SH3PXD2A: variants seen among roughly 807,000 people sequenced by gnomAD.
SH3PXD2A encodes the protein SH3 and PX domain-containing protein 2A.
SH3PXD2A carries 32 observed loss-of-function variants against 115.2 expected under a neutral mutation model. That is an observed-to-expected ratio of 0.28 (90% confidence interval 0.21 to 0.37). The LOEUF (loss-of-function observed/expected upper bound fraction) is 0.37, where lower values mean the gene tolerates loss of function less well. SH3PXD2A is among the 10% of genes least tolerant of loss of function. The pLI, the probability that SH3PXD2A is intolerant of heterozygous loss-of-function variation, is 1.00. For synonymous variants in SH3PXD2A, 610 were observed against 629.1 expected (o/e 0.97, Z 0.45); for missense variants, 1,328 against 1,498.7 (o/e 0.89, Z 1.88).
chr10:103,686,835 C>T (rs913589028), intron 6 of SH3PXD2A, among the ~76,000 whole-genome samples: 8 of 151,338 alleles, frequency 5.3e-5, no homozygotes, highest in Non-Finnish European at 7.4e-5. Flanking sequence ...GCAACCTCCA[C>T]CTCCTGGGTT....
intron 1 of SH3PXD2A, among the ~76,000 whole-genome samples, chr10:103,839,077 T>C (rs2039572181): frequency 6.6e-6 from 1 of 152,166 alleles, no homozygotes; most frequent in African/African-American, 2.4e-5. Flanking sequence ...TGGGATCTGC[T>C]CACCAGCTCT....
At chr10:103,741,468 A>G (rs2038443216) in intron 3 of SH3PXD2A, among the ~76,000 whole-genome samples, 1 of 151,972 alleles carries the variant, frequency 6.6e-6, no homozygotes, top group African/African-American at 2.4e-5. Context: ...TGTCCTAGAG[A>G]ATTTGTCAGG....
At chr10:103,790,508 A>C (rs1293329436) in intron 2 of SH3PXD2A, among the ~76,000 whole-genome samples, 1 of 152,162 alleles carries the variant, frequency 6.6e-6, no homozygotes, top group Admixed American at 6.5e-5. Flanking sequence ...GTGAGCTAGA[A>C]GCGAGAGTAC....
At chr10:103,745,428 T>A (rs1429720649) in intron 3 of SH3PXD2A, among the ~76,000 whole-genome samples, 1 of 152,190 alleles carries the variant, frequency 6.6e-6, no homozygotes, top group Non-Finnish European at 1.5e-5. Context: ...AGGGGATGAG[T>A]CATAACCTAT....
At chr10:103,610,324 C>T (rs913873221) in intron 13 of SH3PXD2A, among the ~76,000 whole-genome samples, 3 of 152,254 alleles carry the variant, frequency 2.0e-5, no homozygotes, top group Middle Eastern at 3.2e-3. Context: ...AGCAGCCCTG[C>T]CTCAGCAATC....
At chr10:103,780,996 G>A (rs1304209576) in intron 2 of SH3PXD2A, among the ~76,000 whole-genome samples, 3 of 152,130 alleles carry the variant, frequency 2.0e-5, no homozygotes, top group Non-Finnish European at 4.4e-5. Context: ...TGCCTGGCCT[G>A]CCTGAGGTCT....
rs1464190695 is a variant in SH3PXD2A at position 103,853,938 on chromosome 10, AC to A, written c.72+1256del. Reference sequence around the variant, plus strand: ...CAGAAAATGCTTGCTGGACCAGATGACACAAAAGAAACAACTCTCTAAGGGT... The same window carrying A: ...CAGAAAATGCTTGCTGGACCAGATGAACAAAAGAAACAACTCTCTAAGGGT... On this transcript the variant is annotated intron_variant, in intron 1 of 14. Coordinates refer to ENST00000369774, the MANE Select transcript of SH3PXD2A (RefSeq NM_001394015.1). 1.4e-4 allele frequency among the ~76,000 whole-genome samples: 21 copies of A among 152,316 alleles called. No individual in the cohort carries two copies. In the South Asian group the frequency reaches 2.1e-3, roughly 15 times the overall value.
chr10:103,633,036 C>T (rs960093168), intron 8 of SH3PXD2A, among the ~76,000 whole-genome samples: 5 of 152,108 alleles, frequency 3.3e-5, no homozygotes, highest in African/African-American at 1.2e-4. Context: ...CAGAGTCTGA[C>T]ACAGGAAGGA....
chr10:103,718,798 C>CACACACAG (rs1554915136), intron 5 of SH3PXD2A, among the ~76,000 whole-genome samples: 1 of 150,892 alleles, frequency 6.6e-6, no homozygotes, highest in Non-Finnish European at 1.5e-5. Context: ...CACACACACA[C>CACACACAG]GCACATACAC....
At chr10:103,753,114 AC>A (rs1028199384) in intron 3 of SH3PXD2A, among the ~76,000 whole-genome samples, 1 of 152,008 alleles carries the variant, frequency 6.6e-6, no homozygotes, top group African/African-American at 2.4e-5. Flanking sequence ...GCCATTTTAT[AC>A]CAAATCTTAA....
chr10:103,762,014 C>CTTTTTTT (rs79615908), intron 3 of SH3PXD2A, among the ~76,000 whole-genome samples: 6,009 of 90,130 alleles, frequency 0.067, 693 homozygotes, highest in Non-Finnish European at 0.091. Context: ...ATCAACACGT[C>CTTTTTTT]TTTTTTTTTT....
At chr10:103,759,067 G>T (rs1284301167) in intron 3 of SH3PXD2A, among the ~76,000 whole-genome samples, 2 of 152,132 alleles carry the variant, frequency 1.3e-5, no homozygotes, top group African/African-American at 4.8e-5. Flanking sequence ...AGCGGGCCAC[G>T]GACCAGCTCT....
At chr10:103,795,506 G>A (rs1041984059) in intron 2 of SH3PXD2A, among the ~76,000 whole-genome samples, 5 of 152,160 alleles carry the variant, frequency 3.3e-5, no homozygotes, top group Non-Finnish European at 7.3e-5. Context: ...TCTGGGGAGA[G>A]AGTCTTTGGC....
At chr10:103,645,460 G>A (rs1288640525) in intron 8 of SH3PXD2A, among the ~76,000 whole-genome samples, 1 of 152,184 alleles carries the variant, frequency 6.6e-6, no homozygotes, top group East Asian at 1.9e-4. Flanking sequence ...AGAGGTTTTT[G>A]TTGCTTGTTG....
At chr10:103,709,404 C>A (rs1243712876) in intron 5 of SH3PXD2A, among the ~76,000 whole-genome samples, 1 of 152,176 alleles carries the variant, frequency 6.6e-6, no homozygotes, top group Admixed American at 6.5e-5. Context: ...GAACTGAGCT[C>A]CAAAGCCTGG....
intron 8 of SH3PXD2A, among the ~76,000 whole-genome samples, chr10:103,633,087 A>G (rs2036806794): frequency 6.6e-6 from 1 of 152,238 alleles, no homozygotes; most frequent in Non-Finnish European, 1.5e-5. Context: ...TGCACATGCT[A>G]GAGATGACAT....
At chr10:103,695,793 G>C (rs1215320612) in intron 5 of SH3PXD2A, among the ~76,000 whole-genome samples, 1 of 152,246 alleles carries the variant, frequency 6.6e-6, no homozygotes, top group African/African-American at 2.4e-5. Flanking sequence ...CAACGTGCTT[G>C]TAGTGCTGAA....
At chr10:103,605,702 C>G in intron 14 of SH3PXD2A, 96 bp downstream of exon 14, 1 of 1,476,632 alleles carries the variant, frequency 6.8e-7, no homozygotes, top group East Asian at 2.3e-5. Context: ...CCTGCCTGCC[C>G]CTCAGGAATC....
At position 103,656,158 on chromosome 10, in the gene SH3PXD2A, A is replaced by G. The variant is rs371092058; in HGVS notation, c.604+4825T>C. ...CCACATGCACAGGTACTGAACAAGT[A>G]AAATGGCTGTAGCCACCATGTTTTT... On this transcript the variant is annotated intron_variant, in intron 8 of 14. Transcript: ENST00000369774. 4.6e-5 allele frequency among the ~76,000 whole-genome samples: 7 copies of G among 152,262 alleles called. No homozygotes were observed. The East Asian group carries it at 7.7e-4, about 17-fold the overall frequency.
Sources: gnomAD v4.1 joint callset for allele counts (sites outside exome capture counted in the v4.1 genomes callset) on GRCh38, gnomAD v4.1.1 for gene constraint, MANE v1.5 for transcripts, NCBI Gene and HGNC (gene_info 2026-07-23, HGNC 2026-07-21) for gene names.